The following ARFGEF1 variants were observed in gnomAD, a reference collection of about 807,000 sequenced individuals.
ARFGEF1 encodes brefeldin A-inhibited guanine nucleotide-exchange protein 1.
Under a neutral mutation model 231.0 loss-of-function variants are expected in ARFGEF1, and 42 were observed. The observed-to-expected ratio is 0.18, with a 90% CI of 0.14 to 0.24. ARFGEF1 has a LOEUF of 0.24. ARFGEF1 is among the 10% of genes least tolerant of loss of function. The pLI is 1.00. For synonymous variants in ARFGEF1, 710 were observed against 732.3 expected (o/e 0.97, Z 0.49); for missense variants, 1,345 against 2,192.0 (o/e 0.61, Z 7.72).
chr8:67,183,970 A>G (rs1408383199), intron 5 of ARFGEF1, among the ~76,000 whole-genome samples: 2 of 148,692 alleles, frequency 1.3e-5, no homozygotes, highest in African/African-American at 5.0e-5. Flanking sequence ...CTCCTGACTC[A>G]GTCTCCCAAG....
Position 67,343,577 on chromosome 8 carries a change from C to T in ARFGEF1, c.-290G>A. The T allele has an allele frequency of 9.0e-7, 1 of 1,106,366 alleles. No individual in the cohort carries two copies. The highest frequency in any genetic ancestry group is 1.1e-6 in the Non-Finnish European group (1 of 906,948). 68.5% of individuals were successfully genotyped at this position (1,106,366 alleles called of 1,614,324 possible). On this transcript the variant is annotated 5_prime_UTR_variant, in exon 1 of 39. Transcript: ENST00000262215. ...GGGGTCGCGTCCCGGCCGCCCCTCT[C>T]ACTCGTCCCTCCGGCCCTGGTGGCG...
intron 9 of ARFGEF1, among the ~76,000 whole-genome samples, chr8:67,274,657 T>C (rs891781289): frequency 6.6e-6 from 1 of 152,124 alleles, no homozygotes; most frequent in African/African-American, 2.4e-5. Flanking sequence ...TTTTAAAGAA[T>C]TTCTTCTTTT....
chr8:67,343,196 G>T lies in ARFGEF1; in HGVS notation c.92C>A (p.Ser31Tyr), dbSNP rs751084276. The change falls in exon 1 of 39, where the codon TCC becomes TAC. Residue 31 changes from serine (S) to tyrosine (Y), a missense_variant. Transcript: ENST00000262215. ...CACCTCGCAAGCTTTGCGCAGCTGG[G>T]AGTGATGCGCCTTCTTCACTTCCTT... Reference protein sequence around the residue: ...ADKEVKKAHHSQLRKACEVAL... With the variant: ...ADKEVKKAHHYQLRKACEVAL... 6.2e-7 allele frequency: 1 copy of T among 1,613,120 alleles called. No homozygotes were observed. The highest frequency in any genetic ancestry group is 2.2e-5 in the East Asian group (1 of 44,820).
At chr8:67,240,326 T>A in intron 19 of ARFGEF1, 36 bp from the exon 20 acceptor site, 1 of 1,534,510 alleles carries the variant, frequency 6.5e-7, no homozygotes, top group Non-Finnish European at 8.8e-7. Context: ...AATTAAAGAT[T>A]ATGATAACAC....
At chr8:67,287,110 T>C (rs1270480095) in intron 7 of ARFGEF1, among the ~76,000 whole-genome samples, 1 of 152,188 alleles carries the variant, frequency 6.6e-6, no homozygotes, top group African/African-American at 2.4e-5. Flanking sequence ...GACTGGCCTT[T>C]GGCTGGCACC....
intron 1 of ARFGEF1, among the ~76,000 whole-genome samples, chr8:67,330,894 G>T (rs777922223): frequency 1.3e-5 from 2 of 152,060 alleles, no homozygotes; most frequent in Non-Finnish European, 2.9e-5. Flanking sequence ...CAACAAATTG[G>T]ATGAAACAAA....
intron 9 of ARFGEF1, among the ~76,000 whole-genome samples, chr8:67,274,507 T>G (rs566374189): frequency 6.6e-6 from 1 of 152,210 alleles, no homozygotes; most frequent in South Asian, 2.1e-4. Flanking sequence ...CTTGTTAATT[T>G]ACATCATTCC....
At chr8:67,273,526 T>C (rs1459673654) in intron 9 of ARFGEF1, among the ~76,000 whole-genome samples, 1 of 151,570 alleles carries the variant, frequency 6.6e-6, no homozygotes, top group Non-Finnish European at 1.5e-5. Flanking sequence ...AAAAATTTTA[T>C]GGTTATAAGT....
chr8:67,273,419 CAAA>C (rs58580002), intron 9 of ARFGEF1, among the ~76,000 whole-genome samples: 147 of 56,596 alleles, frequency 2.6e-3, no homozygotes, highest in African/African-American at 8.0e-3. Context: ...TTTTTTTTCC[CAAA>C]AAAAAAAAAA....
intron 23 of ARFGEF1, 42 bp downstream of exon 23, chr8:67,232,812 GA>G: frequency 6.9e-7 from 1 of 1,453,114 alleles, no homozygotes; most frequent in South Asian, 1.3e-5. Flanking sequence ...CTAAAGAACT[GA>G]AATAGTAATC....
At chr8:67,270,821 T>C (rs1229171381) in intron 10 of ARFGEF1, among the ~76,000 whole-genome samples, 3 of 150,920 alleles carry the variant, frequency 2.0e-5, no homozygotes, top group Admixed American at 2.0e-4. Context: ...GGTCGGGAGT[T>C]TGAGACCAAC....
intron 15 of ARFGEF1, among the ~76,000 whole-genome samples, chr8:67,259,431 T>C (rs111227664): frequency 0.029 from 4,354 of 152,222 alleles, 227 homozygotes; most frequent in African/African-American, 0.099. Context: ...TTTTGCCACA[T>C]TGGCCAGGCT....
At position 67,343,729 on chromosome 8, in the gene ARFGEF1, G is replaced by T; in HGVS notation, c.-442C>A. 6.0e-6 allele frequency: 3 copies of T among 504,078 alleles called. No individual in the cohort carries two copies. The highest frequency in any genetic ancestry group is 5.1e-6 in the Non-Finnish European group (2 of 388,772). The allele number at this position is 504,078 out of a possible 1,614,324, so 31.2% of individuals were successfully genotyped here. A position where few individuals can be genotyped will look rare whatever the true frequency, so the allele number is the denominator to read the frequency against. On this transcript the variant is annotated 5_prime_UTR_variant, in exon 1 of 39. An upstream open reading frame in the 5' UTR gains an earlier in-frame stop. Coordinates refer to ENST00000262215, the MANE Select transcript of ARFGEF1 (RefSeq NM_006421.5). ...GGGGATTAGCACCCGCCGCGGCCGC[G>T]AACTGGCCCCCATCACCGCCGACCT... is the stretch of plus-strand genomic sequence containing the variant.
At chr8:67,180,513 T>C (rs565068448) in intron 5 of ARFGEF1, among the ~76,000 whole-genome samples, 1 of 152,246 alleles carries the variant, frequency 6.6e-6, no homozygotes, top group Non-Finnish European at 1.5e-5. Context: ...ACAACTTGTT[T>C]GCAGGGGTAG....
intron 29 of ARFGEF1, among the ~76,000 whole-genome samples, chr8:67,222,184 T>TATATATATATATATATATATATATACAC (rs1563846280): frequency 6.1e-4 from 40 of 65,684 alleles, no homozygotes; most frequent in African/African-American, 2.0e-3. Context: ...TATATACACA[T>TATATATATATATATATATATATATACAC]ATATATATAT....
chr8:67,230,354 A>G (rs1839514514), intron 23 of ARFGEF1, among the ~76,000 whole-genome samples: 1 of 152,150 alleles, frequency 6.6e-6, no homozygotes, highest in Non-Finnish European at 1.5e-5. Context: ...AAACATTGGT[A>G]AGATTACTGC....
intron 4 of ARFGEF1, among the ~76,000 whole-genome samples, chr8:67,297,015 A>G (rs1016117001): frequency 1.2e-4 from 19 of 152,178 alleles, no homozygotes; most frequent in Admixed American, 1.3e-4. Flanking sequence ...ATTACAATTA[A>G]AACTTTCAGA....
At chr8:67,244,648 T>C (rs1355167737) in intron 19 of ARFGEF1, among the ~76,000 whole-genome samples, 1 of 149,494 alleles carries the variant, frequency 6.7e-6, no homozygotes, top group African/African-American at 2.5e-5. Context: ...AAAGAATTAG[T>C]AAGCGTGAAG....
intron 6 of ARFGEF1, among the ~76,000 whole-genome samples, chr8:67,290,186 C>G (rs896619746): frequency 6.6e-6 from 1 of 152,202 alleles, no homozygotes; most frequent in African/African-American, 2.4e-5. Flanking sequence ...CACAATCCCA[C>G]AGGAAACTAT....
Sources: gnomAD v4.1 joint callset for allele counts (sites outside exome capture counted in the v4.1 genomes callset) on GRCh38, gnomAD v4.1.1 for gene constraint, MANE v1.5 for transcripts, NCBI Gene and HGNC (gene_info 2026-07-23, HGNC 2026-07-21) for gene names.